Variants in LTBP1 observed in about 807,000 individuals in gnomAD.
LTBP1 encodes the protein latent transforming growth factor beta binding protein 1.
Under a neutral mutation model 207.6 loss-of-function variants are expected in LTBP1, and 129 were observed. The observed-to-expected ratio is 0.62, with a 90% CI of 0.54 to 0.72. LTBP1 has a LOEUF of 0.72. Among genes scored for constraint, LTBP1 ranks in the 30% least tolerant of loss-of-function variants. The pLI is 0.00. For missense variants in LTBP1, 2,281 were observed against 2,217.2 expected (o/e 1.03, Z -0.58); for synonymous variants, 963 against 833.7 (o/e 1.16, Z -2.67).
rs146887417 is a variant in LTBP1, at chr2:33,106,143, T to A, written c.864-4439T>A. Among the ~76,000 whole-genome samples the A allele has an allele frequency of 2.2e-3, 341 of 152,324 alleles. 2 individuals carry two copies. Among genetic ancestry groups the A allele is most frequent in the Non-Finnish European group, 3.5e-3 (236 of 68,024 alleles). On this transcript the variant is annotated intron_variant, in intron 3 of 33. Transcript: ENST00000404816. The stretch of plus-strand genomic sequence containing the variant: ...AAGTCTGATCATGAGATTATAGCAG[T>A]CCAGTCACTTCTTCAGGCTCCACTT...
intron 5 of LTBP1, among the ~76,000 whole-genome samples, chr2:33,158,141 AAAAAAAC>A (rs1436499472): frequency 1.7e-5 from 2 of 116,222 alleles, no homozygotes; most frequent in African/African-American, 3.0e-5. Flanking sequence ...TTGTCTCAAA[AAAAAAAC>A]AAAAAAAAAA....
chr2:33,263,245 G>T (rs2093070020), intron 14 of LTBP1, 49 bp from the exon 15 acceptor site: 2 of 1,069,302 alleles, frequency 1.9e-6, no homozygotes, highest in Non-Finnish European at 2.9e-6. Context: ...GGATCTCAAT[G>T]CACATAACGG....
rs540140541 is a variant in LTBP1, at chr2:33,247,457, GA to G, written c.1999+3679del. Among the ~76,000 whole-genome samples the G allele has an allele frequency of 5.9e-5, 9 of 152,248 alleles. No homozygotes were observed. The South Asian group carries it at 1.9e-3, about 32-fold the overall frequency. On this transcript the variant is annotated intron_variant, in intron 10 of 33. Coordinates refer to ENST00000404816, the MANE Select transcript of LTBP1 (RefSeq NM_206943.4). Reference sequence around the variant, plus strand: ...GGAGTTGGCAAATTATAGCCCATGGGAAAAAATCTGTTTGTTTTTGAAAATA... The same window carrying G: ...GGAGTTGGCAAATTATAGCCCATGGGAAAAATCTGTTTGTTTTTGAAAATA...
intron 4 of LTBP1, among the ~76,000 whole-genome samples, chr2:33,113,398 A>G (rs1018913994): frequency 6.6e-6 from 1 of 152,186 alleles, no homozygotes; most frequent in African/African-American, 2.4e-5. Flanking sequence ...CAGGAAAGAG[A>G]TGAGGATGGA....
At chr2:32,976,719 G>A (rs1681846259) in intron 2 of LTBP1, among the ~76,000 whole-genome samples, 2 of 152,132 alleles carry the variant, frequency 1.3e-5, no homozygotes, top group South Asian at 2.1e-4. Flanking sequence ...CAGGGGCCAC[G>A]GTTGGCACAT....
chr2:33,352,117 T>A (rs1223486711), intron 26 of LTBP1, among the ~76,000 whole-genome samples: 2 of 152,048 alleles, frequency 1.3e-5, no homozygotes, highest in Non-Finnish European at 2.9e-5. Context: ...CCTCTCCTTG[T>A]GTCTATTTAT....
At chr2:33,301,970 A>G (rs1174799650) in intron 22 of LTBP1, among the ~76,000 whole-genome samples, 1 of 152,248 alleles carries the variant, frequency 6.6e-6, no homozygotes, top group Non-Finnish European at 1.5e-5. Context: ...ACCAACTTCT[A>G]AATGTTCCAA....
At chr2:33,312,521 C>T (rs544346921) in intron 23 of LTBP1, among the ~76,000 whole-genome samples, 205 of 152,222 alleles carry the variant, frequency 1.3e-3, no homozygotes, top group African/African-American at 4.6e-3. Context: ...TCTGTGGAAT[C>T]GCGGACCCAT....
chr2:33,133,668 A>G (rs545671725), intron 4 of LTBP1, among the ~76,000 whole-genome samples: 2 of 152,344 alleles, frequency 1.3e-5, no homozygotes, highest in South Asian at 2.1e-4. Flanking sequence ...TAGACAGTAC[A>G]GAAATGAATG....
At position 33,334,781 on chromosome 2, in the gene LTBP1, T is replaced by G. The variant is rs138756591; in HGVS notation, c.3731-8057T>G. On this transcript the variant is annotated intron_variant, in intron 24 of 33. Coordinates refer to ENST00000404816, the MANE Select transcript of LTBP1 (RefSeq NM_206943.4). ...TGTCTGGGTAATTTTTACAGAATAA[T>G]TTAAGTAGGCTGGGCATGGTGGCTC... 5.2e-3 allele frequency among the ~76,000 whole-genome samples: 794 copies of G among 152,040 alleles called. 5 individuals are homozygous for G. Among genetic ancestry groups the G allele is most frequent in the African/African-American group, 0.018 (762 of 41,478 alleles).
chr2:33,075,754 T>C (rs1218326776), intron 3 of LTBP1, among the ~76,000 whole-genome samples: 1 of 152,232 alleles, frequency 6.6e-6, no homozygotes, highest in African/African-American at 2.4e-5. Flanking sequence ...ATACTCTAAG[T>C]AAGTGATATA....
chr2:32,996,638 A>G (rs12994079), intron 2 of LTBP1, among the ~76,000 whole-genome samples: 11,282 of 152,212 alleles, frequency 0.074, 510 homozygotes, highest in South Asian at 0.19. Context: ...GTGGAGCTTC[A>G]CAATAATATC....
chr2:33,352,596 G>T lies in LTBP1; in HGVS notation c.4000+5086G>T, dbSNP rs144819415. Among the ~76,000 whole-genome samples, 4 of 152,266 alleles carry T rather than the reference G, an allele frequency of 2.6e-5. No individual in the cohort carries two copies. In the East Asian group the frequency reaches 7.7e-4, roughly 29 times the overall value. ...TTGCGGATGCTACTTCCCTGGGTCA[G>T]TCTTTCAGCATCACTTACCTGGATC... is the stretch of plus-strand genomic sequence containing the variant. On this transcript the variant is annotated intron_variant, in intron 26 of 33. Transcript: ENST00000404816.
intron 2 of LTBP1, among the ~76,000 whole-genome samples, chr2:33,020,116 A>G (rs945519744): frequency 1.3e-5 from 2 of 152,126 alleles, no homozygotes; most frequent in Non-Finnish European, 2.9e-5. Flanking sequence ...GTTGCCTTTC[A>G]TTATTAAATT....
At chr2:33,148,406 T>C (rs1313877606) in intron 5 of LTBP1, among the ~76,000 whole-genome samples, 1 of 152,218 alleles carries the variant, frequency 6.6e-6, no homozygotes, top group Non-Finnish European at 1.5e-5. Flanking sequence ...CTACCTGAAT[T>C]GTCCAGATTT....
intron 2 of LTBP1, among the ~76,000 whole-genome samples, chr2:32,982,605 C>G (rs1294909126): frequency 3.9e-5 from 6 of 152,166 alleles, no homozygotes; most frequent in South Asian, 2.1e-4. Flanking sequence ...AAAATGGTTT[C>G]TTGGGCTAGG....
chr2:33,038,194 C>A (rs1260398055), intron 3 of LTBP1, among the ~76,000 whole-genome samples: 5 of 152,242 alleles, frequency 3.3e-5, no homozygotes, highest in African/African-American at 1.2e-4. Context: ...TAAAGGCGAA[C>A]TTGTGGGTTA....
chr2:33,282,791 A>G (rs1165227877), intron 19 of LTBP1, among the ~76,000 whole-genome samples: 1 of 152,172 alleles, frequency 6.6e-6, no homozygotes, highest in Non-Finnish European at 1.5e-5. Context: ...TAGGCCAGGC[A>G]CGGTGGCTCA....
chr2:33,164,820 A>G (rs1385491763), intron 5 of LTBP1, among the ~76,000 whole-genome samples: 1 of 152,220 alleles, frequency 6.6e-6, no homozygotes, highest in Non-Finnish European at 1.5e-5. Flanking sequence ...GGTATTGATG[A>G]GAAGATACAT....
Sources: gnomAD v4.1 joint callset for allele counts (sites outside exome capture counted in the v4.1 genomes callset) on GRCh38, gnomAD v4.1.1 for gene constraint, MANE v1.5 for transcripts, NCBI Gene and HGNC (gene_info 2026-07-23, HGNC 2026-07-21) for gene names.